ERLIN1: variants seen among roughly 807,000 people sequenced by gnomAD.
ERLIN1 encodes the protein erlin-1.
Under a neutral mutation model 46.9 loss-of-function variants are expected in ERLIN1, and 24 were observed. The observed-to-expected ratio is 0.51, with a 90% CI of 0.37 to 0.72. ERLIN1 has a LOEUF of 0.72. Among genes scored for constraint, ERLIN1 ranks in the 30% least tolerant of loss-of-function variants. The probability of loss-of-function intolerance (pLI) is 0.00; values close to 1 mark genes in which losing one functional copy is unlikely to be tolerated. For synonymous variants in ERLIN1, 158 were observed against 143.2 expected (o/e 1.10, Z -0.74); for missense variants, 293 against 417.9 (o/e 0.70, Z 2.61).
At chr10:100,180,196 A>C (rs1844556623) in intron 2 of ERLIN1, among the ~76,000 whole-genome samples, 1 of 152,238 alleles carries the variant, frequency 6.6e-6, no homozygotes. Context: ...GTTCAGATCC[A>C]GAATGAATGA....
At position 100,184,827 on chromosome 10, in the gene ERLIN1, G is replaced by A. The variant is rs554580627; in HGVS notation, c.113+687C>T. 2.6e-5 allele frequency among the ~76,000 whole-genome samples: 4 copies of A among 152,282 alleles called. No individual in the cohort carries two copies. The East Asian group carries it at 7.7e-4, about 29-fold the overall frequency. ...GAGGGATAGTGGAAACAAGCAAAAA[G>A]TTGACGCTCTTTTTGAATACACCAT... On this transcript the variant is annotated intron_variant, in intron 1 of 10. Coordinates refer to ENST00000421367, the MANE Select transcript of ERLIN1 (RefSeq NM_006459.4).
chr10:100,164,137 A>G, intron 7 of ERLIN1, 42 bp from the exon 8 acceptor site: 1 of 1,347,046 alleles, frequency 7.4e-7, no homozygotes, highest in Non-Finnish European at 1.1e-6. Flanking sequence ...TGATTCTCCT[A>G]TGTGCAGTCA....
At chr10:100,183,999 C>T (rs1171323320) in intron 1 of ERLIN1, among the ~76,000 whole-genome samples, 162 bp from the exon 2 acceptor site, 1 of 152,206 alleles carries the variant, frequency 6.6e-6, no homozygotes, top group Non-Finnish European at 1.5e-5. Context: ...AATACCTCCA[C>T]ACCTAAAAAG....
intron 7 of ERLIN1, among the ~76,000 whole-genome samples, chr10:100,165,372 C>A (rs905398699): frequency 1.3e-5 from 2 of 151,198 alleles, no homozygotes; most frequent in Non-Finnish European, 2.9e-5. Context: ...ATTTTTCCGT[C>A]ACCAGAAGCA....
At chr10:100,171,142 G>T (rs1006214485) in intron 6 of ERLIN1, among the ~76,000 whole-genome samples, 1 of 152,050 alleles carries the variant, frequency 6.6e-6, no homozygotes, top group Non-Finnish European at 1.5e-5. Flanking sequence ...TACTTTTAAG[G>T]TGGTGAAAAG....
intron 9 of ERLIN1, among the ~76,000 whole-genome samples, chr10:100,155,809 C>T (rs1263786500): frequency 3.9e-5 from 6 of 152,120 alleles, no homozygotes; most frequent in African/African-American, 1.2e-4. Context: ...CCACGGCGCC[C>T]GGCCAGAGAT....
intron 8 of ERLIN1, among the ~76,000 whole-genome samples, chr10:100,162,686 AAAG>A (rs1486080421): frequency 1.3e-5 from 2 of 152,220 alleles, no homozygotes; most frequent in African/African-American, 2.4e-5. Flanking sequence ...GTACTAGAAA[AAAG>A]AAATTAAAAA....
At chr10:100,166,073 C>T (rs1279849026) in intron 7 of ERLIN1, among the ~76,000 whole-genome samples, 2 of 152,130 alleles carry the variant, frequency 1.3e-5, no homozygotes, top group Non-Finnish European at 1.5e-5. Context: ...TCTACCCAGC[C>T]TGGCAGTCTA....
At chr10:100,175,251 A>G (rs530891830) in intron 5 of ERLIN1, among the ~76,000 whole-genome samples, 5 of 152,352 alleles carry the variant, frequency 3.3e-5, no homozygotes, top group Non-Finnish European at 1.5e-5. Flanking sequence ...GAAGGGTCCC[A>G]CTATCCCCAG....
chr10:100,181,162 C>G (rs1212389116), intron 2 of ERLIN1, among the ~76,000 whole-genome samples: 1 of 152,160 alleles, frequency 6.6e-6, no homozygotes, highest in Non-Finnish European at 1.5e-5. Flanking sequence ...ATTCTCTAGC[C>G]AATTTTCAAA....
intron 8 of ERLIN1, among the ~76,000 whole-genome samples, chr10:100,157,251 G>T (rs866285164): frequency 6.6e-6 from 1 of 152,310 alleles, no homozygotes; most frequent in Middle Eastern, 3.4e-3. Context: ...ATCAGAAGAG[G>T]AGTATTCCAA....
At chr10:100,162,819 A>G (rs1047858885) in intron 8 of ERLIN1, among the ~76,000 whole-genome samples, 1 of 152,214 alleles carries the variant, frequency 6.6e-6, no homozygotes, top group African/African-American at 2.4e-5. Context: ...TACTCATCTC[A>G]TTGAGGCTCA....
At chr10:100,182,884 T>C (rs930552231) in intron 2 of ERLIN1, among the ~76,000 whole-genome samples, 20 of 152,264 alleles carry the variant, frequency 1.3e-4, no homozygotes, top group African/African-American at 4.8e-4. Flanking sequence ...GAACAACATA[T>C]GGAAATCAGT....
At chr10:100,170,890 G>C (rs909289730) in intron 6 of ERLIN1, among the ~76,000 whole-genome samples, 2 of 152,178 alleles carry the variant, frequency 1.3e-5, no homozygotes, top group East Asian at 1.9e-4. Flanking sequence ...TTCAGAAAAA[G>C]ACTCTAGTAT....
chr10:100,179,274 C>T (rs1165427157), intron 2 of ERLIN1, 27 bp from the exon 3 acceptor site: 2 of 1,539,602 alleles, frequency 1.3e-6, no homozygotes, highest in Non-Finnish European at 8.9e-7. Context: ...ATCTCATCAA[C>T]ACTCAAGACA....
At chr10:100,173,887 T>A (rs375850147) in intron 6 of ERLIN1, among the ~76,000 whole-genome samples, 1 of 152,198 alleles carries the variant, frequency 6.6e-6, no homozygotes, top group Non-Finnish European at 1.5e-5. Context: ...CTTTTCATAA[T>A]CTTACTGAGG....
At chr10:100,152,385 G>A (rs1842853330) in intron 10 of ERLIN1, 33 bp from the exon 11 acceptor site, 3 of 1,199,656 alleles carry the variant, frequency 2.5e-6, no homozygotes, top group Non-Finnish European at 3.8e-6. Context: ...AAAGGCATCA[G>A]AATACTCTGG....
At chr10:100,158,982 A>C (rs1288563888) in intron 8 of ERLIN1, among the ~76,000 whole-genome samples, 1 of 152,224 alleles carries the variant, frequency 6.6e-6, no homozygotes, top group Non-Finnish European at 1.5e-5. Flanking sequence ...GACTAAACTC[A>C]CCAGTTAAAA....
chr10:100,182,915 T>C (rs1250208918), intron 2 of ERLIN1, among the ~76,000 whole-genome samples: 1 of 152,140 alleles, frequency 6.6e-6, no homozygotes, highest in Non-Finnish European at 1.5e-5. Flanking sequence ...GAAGAATACA[T>C]TTCACTTCAG....
Sources: gnomAD v4.1 joint callset for allele counts (sites outside exome capture counted in the v4.1 genomes callset) on GRCh38, gnomAD v4.1.1 for gene constraint, MANE v1.5 for transcripts, NCBI Gene and HGNC (gene_info 2026-07-23, HGNC 2026-07-21) for gene names.